Variants in PTPRN2 observed in about 807,000 individuals in gnomAD.
The protein encoded by PTPRN2 is receptor-type tyrosine-protein phosphatase N2.
Under a neutral mutation model 118.8 loss-of-function variants are expected in PTPRN2, and 74 were observed. That is an observed-to-expected ratio of 0.62 (90% CI 0.52 to 0.76). The LOEUF is 0.76. PTPRN2 is among the 30% of genes least tolerant of loss of function. PTPRN2 has a pLI of 0.00. For missense variants in PTPRN2, 1,481 were observed against 1,394.4 expected, an observed-to-expected ratio of 1.06 and a Z score of -0.99; for synonymous variants, 641 against 608.0, an observed-to-expected ratio of 1.05 and a Z score of -0.80.
chr7:157,672,626 A>G (rs1346379142), intron 13 of PTPRN2, among the ~76,000 whole-genome samples: 1 of 152,200 alleles, frequency 6.6e-6, no homozygotes, highest in East Asian at 1.9e-4. Context: ...GCTGAAAGCG[A>G]CGAAACGCCT....
Position 157,987,101 on chromosome 7 carries a change from G to A in PTPRN2, c.1724-88364C>T, listed in dbSNP as rs1353192020. Among the ~76,000 whole-genome samples, 1 of 152,148 alleles carries A rather than the reference G, an allele frequency of 6.6e-6. No individual in the cohort carries two copies. Among genetic ancestry groups the A allele is most frequent in the Non-Finnish European group, 1.5e-5 (1 of 68,022 alleles). ...ACCAGCCAGTGGGGAATGAGCCCGTGAAGGTCACAGCCAGCCATGAAACAG... is the reference window on the plus strand; with the variant it reads ...ACCAGCCAGTGGGGAATGAGCCCGTAAAGGTCACAGCCAGCCATGAAACAG... On this transcript the variant is annotated intron_variant, in intron 11 of 22. Coordinates refer to ENST00000389418, the MANE Select transcript of PTPRN2 (RefSeq NM_002847.5). The surrounding 1 kb of genome is among the most constrained non-coding windows in gnomAD (Gnocchi z 4.3).
At chr7:157,842,086 G>A (rs745428213) in intron 12 of PTPRN2, among the ~76,000 whole-genome samples, 2 of 152,182 alleles carry the variant, frequency 1.3e-5, no homozygotes, top group African/African-American at 2.4e-5. Context: ...CTGGCTGTCA[G>A]AGCACTGGAA....
Position 158,192,474 on chromosome 7 carries a change from G to A in PTPRN2, c.402C>T (p.Gly134=). 6.3e-7 allele frequency: 1 copy of A among 1,582,544 alleles called. No homozygotes were observed. Among genetic ancestry groups the A allele is most frequent in the Admixed American group, 1.9e-5 (1 of 53,006 alleles). The stretch of plus-strand genomic sequence containing the variant: ...CCTCCCGACTGTACCTCCTCTCGCT[G>A]CCAACGCTGTGTTTTGAGGGCCTGA... ...SPARPSKHSV[G]SERRYSREGG... The change falls in exon 5 of 23, where the codon GGC becomes GGT. Residue 134 remains glycine, a synonymous_variant. Transcript: ENST00000389418.
chr7:157,766,773 G>A (rs377759181), intron 12 of PTPRN2, among the ~76,000 whole-genome samples: 1 of 152,230 alleles, frequency 6.6e-6, no homozygotes, highest in African/African-American at 2.4e-5. Context: ...AATCTCAGAG[G>A]CTGGGTGAGA....
rs886263230 is a variant in PTPRN2, at chr7:158,424,315, C to T, written c.163+65420G>A. On this transcript the variant is annotated intron_variant, in intron 2 of 22. Transcript: ENST00000389418. ...AATGAAGCAAGGCGTCGTATCGATT[C>T]CCCCAGCTGTAATGGAATTCCGTCA... 3.9e-5 allele frequency among the ~76,000 whole-genome samples: 6 copies of T among 152,196 alleles called. No individual in the cohort carries two copies. The East Asian group carries it at 1.2e-3, about 29-fold the overall frequency.
chr7:157,698,014 C>T (rs550272490), intron 12 of PTPRN2, among the ~76,000 whole-genome samples: 1 of 151,924 alleles, frequency 6.6e-6, no homozygotes, highest in African/African-American at 2.4e-5. Context: ...CTTGGCAGAG[C>T]CCTCACCATC....
chr7:157,574,535 A>AGC (rs1799920917), intron 19 of PTPRN2: 1 of 307,610 alleles, frequency 3.3e-6, no homozygotes, highest in African/African-American at 2.1e-5. Flanking sequence ...AGAGAGAGAG[A>AGC]GTTTTTAAAG....
intron 5 of PTPRN2, among the ~76,000 whole-genome samples, chr7:158,188,308 G>T (rs867918631): frequency 8.2e-4 from 54 of 65,544 alleles, no homozygotes; most frequent in East Asian, 7.2e-3. Context: ...CCCCCTGTAT[G>T]GGGAAGGCCG....
chr7:158,362,679 C>T (rs1469025907), intron 2 of PTPRN2, among the ~76,000 whole-genome samples: 2 of 134,398 alleles, frequency 1.5e-5, no homozygotes, highest in Admixed American at 7.8e-5. Context: ...GCGTATAAAA[C>T]CGTAAGTCAG....
intron 2 of PTPRN2, among the ~76,000 whole-genome samples, chr7:158,405,418 T>G (rs1305601352): frequency 6.6e-6 from 1 of 152,198 alleles, no homozygotes; most frequent in African/African-American, 2.4e-5. Flanking sequence ...CTGAAAATCT[T>G]GCCTTTCACA....
intron 11 of PTPRN2, among the ~76,000 whole-genome samples, chr7:157,963,180 G>A (rs1012302925): frequency 6.6e-6 from 1 of 152,226 alleles, no homozygotes. Context: ...GCAGTCTCCT[G>A]GCCTCAGGTG....
intron 11 of PTPRN2, among the ~76,000 whole-genome samples, chr7:158,048,899 C>CGAT (rs1431247372): frequency 8.4e-6 from 1 of 118,852 alleles, no homozygotes; most frequent in African/African-American, 3.2e-5. Context: ...ACCATCATCA[C>CGAT]CATATCACCA....
At chr7:158,171,796 A>G (rs948889176) in intron 5 of PTPRN2, among the ~76,000 whole-genome samples, 6 of 152,208 alleles carry the variant, frequency 3.9e-5, no homozygotes, top group Non-Finnish European at 8.8e-5. Context: ...AGATGTTTTC[A>G]GTCTCAGTTC....
chr7:157,767,518 G>A (rs1266266008), intron 12 of PTPRN2, among the ~76,000 whole-genome samples: 3 of 152,202 alleles, frequency 2.0e-5, no homozygotes, highest in Non-Finnish European at 4.4e-5. Context: ...GAATGCTCAC[G>A]AATACAGCAG....
chr7:158,155,544 C>CGCCAA (rs1821662539), intron 6 of PTPRN2, among the ~76,000 whole-genome samples: 1 of 12,818 alleles, frequency 7.8e-5, no homozygotes, highest in African/African-American at 1.4e-4. Context: ...ACTATCATCA[C>CGCCAA]CATCAACACC....
Position 157,856,248 on chromosome 7 carries a change from C to T in PTPRN2, c.1788+42425G>A, listed in dbSNP as rs144445404. ...ATGTCATTTCCATGCTTTTTAGAGT[C>T]GTGACTGTGGATGACTTTATAGGAG... On this transcript the variant is annotated intron_variant, in intron 12 of 22. Coordinates refer to ENST00000389418, the MANE Select transcript of PTPRN2 (RefSeq NM_002847.5). 1.1e-4 allele frequency: 17 copies of T among 152,342 alleles called. No homozygotes were observed. The East Asian group carries it at 1.3e-3, about 12-fold the overall frequency. The allele number at this position is 152,342 out of a possible 1,614,324, so 9.4% of individuals were successfully genotyped here. A position where few individuals can be genotyped will look rare whatever the true frequency, so the allele number is the denominator to read the frequency against.
In PTPRN2 at chr7:157,583,883, AACAC is replaced by A. The variant is rs35071475; in HGVS notation, c.2497-5747_2497-5744del. On this transcript the variant is annotated intron_variant, in intron 17 of 22. Transcript: ENST00000389418. The surrounding 1 kb of genome is among the most constrained non-coding windows in gnomAD (Gnocchi z 5.5). ...GGTGACAGAGCGAGACTCTGTCTCA[AACAC>A]ACACACACACACACACACACACACA... Among the ~76,000 whole-genome samples the A allele has an allele frequency of 0.2, 26,762 of 133,924 alleles. 2,644 individuals are homozygous for A. The highest frequency in any genetic ancestry group is 0.26 in the East Asian group (1,102 of 4,246). The allele number at this position is 133,924 out of a possible 152,430, so 87.9% of individuals were successfully genotyped here.
rs1818747308 is a variant in PTPRN2, at chr7:158,135,701, C to A, written c.1173+954G>T. On this transcript the variant is annotated intron_variant, in intron 8 of 22. Coordinates refer to ENST00000389418, the MANE Select transcript of PTPRN2 (RefSeq NM_002847.5). ...AAATTAGGAAATGTGTTTCTCAGCC[C>A]CACTTCTCCCTCCACAGCTCAGACA... is the stretch of plus-strand genomic sequence containing the variant. 2.0e-5 allele frequency among the ~76,000 whole-genome samples: 3 copies of A among 152,174 alleles called. No homozygotes were observed. The South Asian group carries it at 6.2e-4, about 32-fold the overall frequency.
At chr7:158,077,391 C>T (rs531983353) in intron 11 of PTPRN2, among the ~76,000 whole-genome samples, 1 of 152,298 alleles carries the variant, frequency 6.6e-6, no homozygotes, top group Admixed American at 6.5e-5. Context: ...ACTGAAATGA[C>T]ACGGGGCGCC....
Sources: allele counts gnomAD v4.1 joint callset (sites outside exome capture counted in the v4.1 genomes callset), GRCh38; gene constraint gnomAD v4.1.1; non-coding constraint Gnocchi (gnomAD v3.1); transcripts MANE v1.5; gene names NCBI Gene and HGNC (gene_info 2026-07-23, HGNC 2026-07-21).